SELENOI: variants seen among roughly 807,000 people sequenced by gnomAD.
SELENOI encodes the protein selenoprotein I.
A neutral mutation model predicts 50.7 loss-of-function variants in SELENOI; 24 were observed. That is an observed-to-expected ratio of 0.47 (90% CI 0.34 to 0.67). The LOEUF (loss-of-function observed/expected upper bound fraction) is 0.67. Among genes scored for constraint, SELENOI ranks in the 30% least tolerant of loss-of-function variants. The probability of loss-of-function intolerance (pLI) is 0.01; values close to 1 mark genes in which losing one functional copy is unlikely to be tolerated. For missense variants in SELENOI, 352 were observed against 461.4 expected, an observed-to-expected ratio of 0.76 and a Z score of 2.17; for synonymous variants, 155 against 170.2, an observed-to-expected ratio of 0.91 and a Z score of 0.70.
At chr2:26,356,406 T>A (rs150718786) in intron 1 of SELENOI, among the ~76,000 whole-genome samples, 1 of 152,320 alleles carries the variant, frequency 6.6e-6, no homozygotes, top group East Asian at 1.9e-4. Context: ...TGCAAAGATG[T>A]GTCAGTTCAG....
chr2:26,352,172 GT>G (rs1398346261), intron 1 of SELENOI, among the ~76,000 whole-genome samples: 3 of 152,020 alleles, frequency 2.0e-5, no homozygotes, highest in Non-Finnish European at 4.4e-5. Context: ...ATCTTAAGTG[GT>G]TCTTAGGCAC....
rs1677959212 is a variant in SELENOI, at chr2:26,391,171, T to G, written c.*2068T>G. The G allele has an allele frequency of 6.6e-6, 1 of 152,202 alleles. No homozygotes were observed. Among genetic ancestry groups the G allele is most frequent in the Non-Finnish European group, 1.5e-5 (1 of 68,036 alleles). The allele number at this position is 152,202 out of a possible 1,614,324, so 9.4% of individuals were successfully genotyped here. A position where few individuals can be genotyped will look rare whatever the true frequency, so the allele number is the denominator to read the frequency against. On this transcript the variant is annotated 3_prime_UTR_variant, in exon 10 of 10. Transcript: ENST00000260585. Reference sequence around the variant, plus strand: ...TATCAAATTTATTTGAAAATTGTTTTGTGCTGTACTTTATGACTTGTTTCC... The same window carrying G: ...TATCAAATTTATTTGAAAATTGTTTGGTGCTGTACTTTATGACTTGTTTCC...
rs1677534821 is a variant in SELENOI at position 26,374,946 on chromosome 2, G to C, written c.574-94G>C. 3.7e-6 allele frequency: 3 copies of C among 814,376 alleles called. No homozygotes were observed. In the Admixed American group the frequency reaches 6.6e-5, roughly 18 times the overall value. The allele number at this position is 814,376 out of a possible 1,614,324, so 50.4% of individuals were successfully genotyped here. A position where few individuals can be genotyped will look rare whatever the true frequency, so the allele number is the denominator to read the frequency against. ...CATACTTCTTGCCTTTACTAAAACTGTTTGACTTGACTTAATGCTGCATAA... is the reference window on the plus strand; with the variant it reads ...CATACTTCTTGCCTTTACTAAAACTCTTTGACTTGACTTAATGCTGCATAA... On this transcript the variant is annotated intron_variant, in intron 5 of 9. Coordinates refer to ENST00000260585, the MANE Select transcript of SELENOI (RefSeq NM_033505.4).
chr2:26,349,509 T>A (rs552293349), intron 1 of SELENOI, among the ~76,000 whole-genome samples: 12 of 152,004 alleles, frequency 7.9e-5, no homozygotes, highest in Non-Finnish European at 1.5e-4. Flanking sequence ...GTTTCACATG[T>A]TGGCCAGGCT....
chr2:26,379,138 C>T (rs1202674269), intron 6 of SELENOI, among the ~76,000 whole-genome samples: 1 of 152,108 alleles, frequency 6.6e-6, no homozygotes, highest in Non-Finnish European at 1.5e-5. Context: ...GTGGCGTATG[C>T]CTGTAATCCC....
intron 4 of SELENOI, among the ~76,000 whole-genome samples, chr2:26,370,346 C>A (rs2147953092): frequency 6.6e-6 from 1 of 151,892 alleles, no homozygotes; most frequent in Admixed American, 6.5e-5. Flanking sequence ...CCATTGTCAT[C>A]CTGGCCCGTT....
chr2:26,360,254 G>A (rs1553335846), intron 1 of SELENOI, among the ~76,000 whole-genome samples: 1 of 152,208 alleles, frequency 6.6e-6, no homozygotes, highest in Non-Finnish European at 1.5e-5. Flanking sequence ...AGTGGTATGT[G>A]ACCTTGAAAA....
intron 1 of SELENOI, among the ~76,000 whole-genome samples, chr2:26,361,030 C>T (rs1463188603): frequency 4.6e-5 from 7 of 152,098 alleles, no homozygotes; most frequent in Non-Finnish European, 8.8e-5. Flanking sequence ...CTGGCTAACA[C>T]GGTGAAACTC....
At chr2:26,383,232 A>G (rs1347124057) in intron 6 of SELENOI, 67 bp from the exon 7 acceptor site, 4 of 1,212,174 alleles carry the variant, frequency 3.3e-6, no homozygotes, top group African/African-American at 1.6e-5. Flanking sequence ...TTTGTTTTGC[A>G]TGATTCAGTG....
intron 6 of SELENOI, 85 bp from the exon 7 acceptor site, chr2:26,383,214 T>TA: frequency 7.3e-6 from 7 of 959,484 alleles, no homozygotes; most frequent in South Asian, 4.0e-5. Context: ...TTTTGGGGTC[T>TA]AAAAAAATTT....
At chr2:26,362,024 G>C (rs1435375020) in intron 1 of SELENOI, among the ~76,000 whole-genome samples, 2 of 152,092 alleles carry the variant, frequency 1.3e-5, no homozygotes, top group African/African-American at 4.8e-5. Context: ...AGTTAGGATG[G>C]GTTGGAGAAA....
rs1275625304 is a variant in SELENOI, at chr2:26,392,117, CA to C, written c.*3015del. ...CATGTTATTTATTCTAATATAGAGGCATTGAGAGGAGGGGAGTGTATGTCTA... is the reference window on the plus strand; with the variant it reads ...CATGTTATTTATTCTAATATAGAGGCTTGAGAGGAGGGGAGTGTATGTCTA... On this transcript the variant is annotated 3_prime_UTR_variant, in exon 10 of 10. Coordinates refer to ENST00000260585, the MANE Select transcript of SELENOI (RefSeq NM_033505.4). The C allele has an allele frequency of 6.6e-6, 1 of 152,102 alleles. No homozygotes were observed. The highest frequency in any genetic ancestry group is 1.5e-5 in the Non-Finnish European group (1 of 68,018). The allele number at this position is 152,102 out of a possible 1,614,324, so 9.4% of individuals were successfully genotyped here. A position where few individuals can be genotyped will look rare whatever the true frequency, so the allele number is the denominator to read the frequency against.
Position 26,389,009 on chromosome 2 carries a change from A to G in SELENOI, c.1100A>G (p.Lys367Arg), listed in dbSNP as rs1677905894. Residue 367 changes from lysine (K) to arginine (R), a missense_variant, in exon 10 of 10, where the codon AAG (lysine) becomes AGG (arginine). By Grantham distance (26) the Lys-to-Arg change is conservative. Coordinates refer to ENST00000260585, the MANE Select transcript of SELENOI (RefSeq NM_033505.4). ...TCATGTTCTGATTTTTCATAGGTAA[A>G]GCAGCTGAGCAGCCATTTTCAGATT... ...AHIHYGVRVV[K>R]QLSSHFQIYP... 4 of 1,581,624 alleles carry G rather than the reference A, an allele frequency of 2.5e-6. No individual in the cohort carries two copies. The Admixed American group carries it at 5.4e-5, about 21-fold the overall frequency.
At chr2:26,365,380 C>T (rs560710646) in intron 3 of SELENOI, among the ~76,000 whole-genome samples, 1 of 152,280 alleles carries the variant, frequency 6.6e-6, no homozygotes. Context: ...AGTCTGGACC[C>T]TTATTGAGGA....
chr2:26,362,735 G>A (rs973429477), intron 1 of SELENOI, among the ~76,000 whole-genome samples: 1 of 151,804 alleles, frequency 6.6e-6, no homozygotes, highest in Admixed American at 6.6e-5. Context: ...CCGCCTGGGT[G>A]ACAGAGCGAC....
chr2:26,368,885 T>C (rs1677346260), intron 4 of SELENOI, among the ~76,000 whole-genome samples: 1 of 152,222 alleles, frequency 6.6e-6, no homozygotes, highest in South Asian at 2.1e-4. Flanking sequence ...TTCCCAACCC[T>C]GTATAACAGA....
rs1208100964 is a variant in SELENOI, at chr2:26,370,609, G to GA, written c.311-2758_311-2757insA. On this transcript the variant is annotated intron_variant, in intron 4 of 9. Coordinates refer to ENST00000260585, the MANE Select transcript of SELENOI (RefSeq NM_033505.4). The stretch of plus-strand genomic sequence containing the variant: ...TCCCGGACGGGGCGGCTGGCTGGGC[G>GA]GGGGCTGACCCCCCCACCTCCCTCC... Among the ~76,000 whole-genome samples, 12 of 3,124 alleles carry GA rather than the reference G, an allele frequency of 3.8e-3. 5 individuals are homozygous for GA. Among genetic ancestry groups the GA allele is most frequent in the African/African-American group, 4.9e-3 (12 of 2,440 alleles). The allele number at this position is 3,124 out of a possible 152,430, so 2.0% of individuals were successfully genotyped here. A position where few individuals can be genotyped will look rare whatever the true frequency, so the allele number is the denominator to read the frequency against.
At chr2:26,371,636 A>G (rs1574758501) in intron 4 of SELENOI, among the ~76,000 whole-genome samples, 1 of 152,244 alleles carries the variant, frequency 6.6e-6, no homozygotes, top group Non-Finnish European at 1.5e-5. Flanking sequence ...AGGCTGGCGG[A>G]TCACTCGCGG....
Position 26,385,138 on chromosome 2 carries a change from C to A in SELENOI, c.911C>A (p.Thr304Lys). ...FMVGTAFANS[T>K]CQLIVCQMSS... is the part of the protein sequence containing the mutation. ...GTTGGAACAGCTTTTGCCAACAGTA[C>A]AGTAAGATTTTTTTCTTTTAAAAAT... Residue 304 changes from threonine (T) to lysine (K), a missense_variant and splice_region_variant, in exon 8 of 10, where the codon ACA becomes AAA. By Grantham distance (78) the Thr-to-Lys change is moderately conservative (BLOSUM62 -1). Coordinates refer to ENST00000260585, the MANE Select transcript of SELENOI (RefSeq NM_033505.4). 6.6e-7 allele frequency: 1 copy of A among 1,506,276 alleles called. No individual in the cohort carries two copies. The highest frequency in any genetic ancestry group is 1.4e-5 in the South Asian group (1 of 72,176). The allele number at this position is 1,506,276 out of a possible 1,614,324, so 93.3% of individuals were successfully genotyped here.
Sources: allele counts gnomAD v4.1 joint callset (sites outside exome capture counted in the v4.1 genomes callset), GRCh38; gene constraint gnomAD v4.1.1; transcripts MANE v1.5; gene names NCBI Gene and HGNC (gene_info 2026-07-23, HGNC 2026-07-21).